SFPQ: variants seen among roughly 807,000 people sequenced by gnomAD.
SFPQ encodes the protein splicing factor proline and glutamine rich, also known as splicing factor, proline- and glutamine-rich.
In SFPQ, 11 loss-of-function variants were observed where a neutral mutation model predicts 72.9. That is an observed-to-expected ratio of 0.15 (90% confidence interval 0.09 to 0.25). The LOEUF (loss-of-function observed/expected upper bound fraction) is 0.25, where lower values mean the gene tolerates loss of function less well. Among genes scored for constraint, SFPQ ranks in the 10% least tolerant of loss-of-function variants. The pLI is 1.00. For missense variants in SFPQ, 847 were observed against 993.3 expected (o/e 0.85, Z 1.98); for synonymous variants, 506 against 367.3 (o/e 1.38, Z -4.32).
downstream of SFPQ, chr1:35,181,751 T>C (rs1639477165): frequency 5.7e-6 from 6 of 1,061,430 alleles, no homozygotes; most frequent in Non-Finnish European, 6.8e-6. Context: ...CTACCTCCCC[T>C]TTCCCACCCC....
chr1:35,192,058 C>G (rs996872441), intron 1 of SFPQ, among the ~76,000 whole-genome samples, 164 bp downstream of exon 1: 1 of 151,848 alleles, frequency 6.6e-6, no homozygotes, highest in South Asian at 2.1e-4. Flanking sequence ...GGCGGCCAAT[C>G]CCCCGCCGAC....
At chr1:35,179,343 G>A, downstream of SFPQ, 5 of 1,057,602 alleles carry the variant, frequency 4.7e-6, no homozygotes, top group Non-Finnish European at 5.7e-6. Flanking sequence ...TGGTAGGTTT[G>A]CAACCTTGCA....
chr1:35,188,242 C>T lies in SFPQ; in HGVS notation c.1698-152G>A. The T allele has an allele frequency of 3.1e-6, 2 of 648,930 alleles. 1 individual carries two copies. Among genetic ancestry groups the T allele is most frequent in the South Asian group, 3.8e-5 (2 of 52,716 alleles). 40.2% of individuals were successfully genotyped at this position (648,930 alleles called of 1,614,324 possible). The stretch of plus-strand genomic sequence containing the variant: ...CTAGGGGCATAGTACTAAAGACATT[C>T]TGGCAAATAATGTAGGCTTTATTAA... On this transcript the variant is annotated intron_variant, in intron 6 of 9. Coordinates refer to ENST00000357214, the MANE Select transcript of SFPQ (RefSeq NM_005066.3).
downstream of SFPQ, chr1:35,180,185 G>C: frequency 9.5e-7 from 1 of 1,051,178 alleles, no homozygotes; most frequent in Non-Finnish European, 1.1e-6. Context: ...TCCAGTTACA[G>C]AGCAGAAACA....
rs1640077793 is a variant in SFPQ at position 35,192,547 on chromosome 1, G to C, written c.503C>G (p.Thr168Ser). 7.5e-7 allele frequency: 1 copy of C among 1,328,020 alleles called. No individual in the cohort carries two copies. The highest frequency in any genetic ancestry group is 4.1e-5 in the Admixed American group (1 of 24,116). The allele number at this position is 1,328,020 out of a possible 1,614,324, so 82.3% of individuals were successfully genotyped here. Reference sequence around the variant, plus strand: ...GGTAGGGACCCCGCTGCTTGGCGGGGTGGGTGGCGGCGCCCCGGGAGGGGC... The same window carrying C: ...GGTAGGGACCCCGCTGCTTGGCGGGCTGGGTGGCGGCGCCCCGGGAGGGGC... ...TSAPPGAPPP[T>S]PPSSGVPTTP... The change falls in exon 1 of 10, where the codon ACC (threonine) becomes AGC (serine). Residue 168 changes from threonine (T) to serine (S), a missense_variant. Physicochemically the swap from Thr to Ser is moderately conservative, Grantham distance 58. Around this residue, in one of 6 missense-constraint regions of SFPQ, gnomAD observed 498 missense variants for 405.1 expected, o/e 1.23. Coordinates refer to ENST00000357214, the MANE Select transcript of SFPQ (RefSeq NM_005066.3).
At chr1:35,188,150 T>C in intron 6 of SFPQ, 60 bp from the exon 7 acceptor site, 1 of 1,277,952 alleles carries the variant, frequency 7.8e-7, no homozygotes, top group South Asian at 1.2e-5. Context: ...GAATTCAATG[T>C]GAAGAAACCT....
chr1:35,181,316 G>C (rs2148607032), downstream of SFPQ: 1 of 1,065,620 alleles, frequency 9.4e-7, no homozygotes, highest in Non-Finnish European at 1.1e-6. Context: ...AAGAACACCA[G>C]AAAACATTCC....
downstream of SFPQ, chr1:35,182,161 A>G: frequency 1.0e-6 from 1 of 985,376 alleles, no homozygotes; most frequent in Admixed American, 6.1e-5. Context: ...CCATTTCCCG[A>G]CCAGCCCCCA....
chr1:35,182,648 C>A (rs1639517877), downstream of SFPQ: 1 of 985,284 alleles, frequency 1.0e-6, no homozygotes, highest in Admixed American at 6.1e-5. Context: ...TAGAATTTTT[C>A]TTTTGCCAAT....
chr1:35,181,050 C>A, downstream of SFPQ: 1 of 1,064,938 alleles, frequency 9.4e-7, no homozygotes, highest in Middle Eastern at 4.2e-4. Flanking sequence ...ACTGTAATTT[C>A]ATTGTCAGAA....
chr1:35,187,388 C>A, intron 7 of SFPQ, 137 bp from the exon 8 acceptor site: 1 of 872,262 alleles, frequency 1.1e-6, no homozygotes, highest in South Asian at 1.5e-5. Flanking sequence ...TTTTTGAAAT[C>A]AATATTCTGA....
rs148538246 is a variant in SFPQ at position 35,190,571 on chromosome 1, C to T, written c.1342G>A (p.Glu448Lys). 1.9e-6 allele frequency: 3 copies of T among 1,613,720 alleles called. No individual in the cohort carries two copies. In the African/African-American group the frequency reaches 4.0e-5, roughly 22 times the overall value. The change falls in exon 4 of 10, where the codon GAA (glutamate) becomes AAA (lysine). Residue 448 changes from glutamate to lysine, a missense_variant. This residue lies in a region of SFPQ where 132 missense variants were observed against 255.4 expected (regional missense o/e 0.52). Transcript: ENST00000357214. ...LTTTPRPVIV[E>K]PLEQLDDEDG... ...TCATCATCTAGTTGTTCAAGTGGTT[C>T]CACAATGACTGGACGAGGAGTTCTA...
downstream of SFPQ, chr1:35,181,968 TCCACAGTAAGGGTATCAAAAG>T: frequency 1.0e-6 from 1 of 985,252 alleles, no homozygotes; most frequent in Non-Finnish European, 1.2e-6. Context: ...AACTCTACAG[TCCACAGTAAGGGTATCAAAAG>T]CCACAACTTT....
At chr1:35,179,068 GC>G (rs944873304), downstream of SFPQ, 3 of 1,057,214 alleles carry the variant, frequency 2.8e-6, no homozygotes, top group African/African-American at 4.9e-5. Context: ...CTAATAGGCA[GC>G]CATTTGAGAA....
chr1:35,189,404 A>C (rs1473132301), intron 4 of SFPQ, 22 bp from the exon 5 acceptor site: 7 of 1,581,032 alleles, frequency 4.4e-6, no homozygotes, highest in African/African-American at 1.4e-5. Flanking sequence ...CAAAATTTTA[A>C]CATGAACCGA....
In SFPQ at chr1:35,184,441, G is replaced by A. The variant is rs1192900596; in HGVS notation, c.*15C>T. Reference sequence around the variant, plus strand: ...AAAAACAAAACAAACTGGAATGAAAGCCTAAATATCACATCTAAAATCGGG... The same window carrying A: ...AAAAACAAAACAAACTGGAATGAAAACCTAAATATCACATCTAAAATCGGG... On this transcript the variant is annotated 3_prime_UTR_variant, in exon 10 of 10. Transcript: ENST00000357214. 9.4e-6 allele frequency: 15 copies of A among 1,599,732 alleles called. No individual in the cohort carries two copies. Among genetic ancestry groups the A allele is most frequent in the Non-Finnish European group, 1.3e-5 (15 of 1,175,540 alleles).
downstream of SFPQ, chr1:35,182,550 C>T (rs1174557070): frequency 1.0e-6 from 1 of 985,282 alleles, no homozygotes; most frequent in Non-Finnish European, 1.2e-6. Flanking sequence ...GTTTCCTATG[C>T]AGAAAGTGCT....
Position 35,188,087 on chromosome 1 carries a change from T to C in SFPQ, c.1701A>G (p.Gln567=). The part of the protein sequence containing the change: ...MQKRKEMQLR[Q]EEERRRREEE... Reference sequence around the variant, plus strand: ...CCTCTCTTCTACGTCGTTCCTCCTCTTGCCTAGAAATACCCATCAGGTACA... The same window carrying C: ...CCTCTCTTCTACGTCGTTCCTCCTCCTGCCTAGAAATACCCATCAGGTACA... The change falls in exon 7 of 10, where the codon CAA becomes CAG. Residue 567 remains glutamine (Q), a synonymous_variant. Transcript: ENST00000357214. The C allele has an allele frequency of 1.2e-6, 2 of 1,609,940 alleles. No individual in the cohort carries two copies. The highest frequency in any genetic ancestry group is 1.7e-6 in the Non-Finnish European group (2 of 1,176,304).
chr1:35,191,268 C>A, intron 2 of SFPQ, 73 bp downstream of exon 2: 1 of 1,269,034 alleles, frequency 7.9e-7, no homozygotes. Flanking sequence ...AAAACCAAGC[C>A]TTCAGCGTTT....
Sources: allele counts gnomAD v4.1 joint callset (sites outside exome capture counted in the v4.1 genomes callset), GRCh38; gene constraint gnomAD v4.1.1; regional missense constraint gnomAD v4.1.1; transcripts MANE v1.5; gene names NCBI Gene and HGNC (gene_info 2026-07-23, HGNC 2026-07-21).